Variants in TEAD1 observed in about 807,000 individuals in gnomAD.
TEAD1 encodes TEA domain transcription factor 1, also known as transcriptional enhancer factor TEF-1.
In TEAD1, 9 loss-of-function variants were observed where a neutral mutation model predicts 54.9. The observed-to-expected ratio is 0.16, with a 90% CI of 0.10 to 0.29. The LOEUF (loss-of-function observed/expected upper bound fraction) is 0.29, where lower values mean the gene tolerates loss of function less well. TEAD1 is among the 10% of genes least tolerant of loss of function. The probability of loss-of-function intolerance (pLI) is 1.00; values close to 1 mark genes in which losing one functional copy is unlikely to be tolerated. For synonymous variants in TEAD1, 200 were observed against 187.8 expected (o/e 1.07, Z -0.53); for missense variants, 387 against 535.9 (o/e 0.72, Z 2.74).
intron 2 of TEAD1, among the ~76,000 whole-genome samples, chr11:12,763,954 T>A (rs1189364964): frequency 1.3e-5 from 2 of 152,146 alleles, no homozygotes; most frequent in East Asian, 1.9e-4. Flanking sequence ...ATCTCAAAAT[T>A]CCATATTCTC....
intron 2 of TEAD1, among the ~76,000 whole-genome samples, chr11:12,709,574 G>A (rs1484476975): frequency 1.3e-5 from 2 of 152,070 alleles, no homozygotes; most frequent in African/African-American, 4.8e-5. Context: ...AGGTTGGAGT[G>A]CAATGGTGTG....
chr11:12,839,721 G>A (rs558910716), intron 3 of TEAD1, among the ~76,000 whole-genome samples: 3 of 152,266 alleles, frequency 2.0e-5, no homozygotes, highest in South Asian at 2.1e-4. Flanking sequence ...CTAACTTCGC[G>A]TAATGGAAGG....
intron 3 of TEAD1, among the ~76,000 whole-genome samples, chr11:12,836,755 A>T (rs1014331242): frequency 6.6e-6 from 1 of 152,214 alleles, no homozygotes; most frequent in African/African-American, 2.4e-5. Flanking sequence ...TGTGCTGACT[A>T]TTCCACCAAC....
At chr11:12,884,507 T>A (rs1386862536) in intron 9 of TEAD1, among the ~76,000 whole-genome samples, 1 of 152,162 alleles carries the variant, frequency 6.6e-6, no homozygotes, top group Non-Finnish European at 1.5e-5. Context: ...AGGTGACCTC[T>A]CACGGGAGTG....
Position 12,690,246 on chromosome 11 carries a change from A to T in TEAD1, c.-55+14685A>T, listed in dbSNP as rs543622367. 3.9e-3 allele frequency among the ~76,000 whole-genome samples: 589 copies of T among 150,778 alleles called. 4 individuals are homozygous for T. The highest frequency in any genetic ancestry group is 0.014 in the African/African-American group (560 of 40,552). The stretch of plus-strand genomic sequence containing the variant: ...GACAGAGTGAGACTCCGTCTCAAAA[A>T]AAAAAAAAAAAAAAAAATAATAAGC... On this transcript the variant is annotated intron_variant, in intron 2 of 12. Transcript: ENST00000527636.
intron 2 of TEAD1, among the ~76,000 whole-genome samples, chr11:12,699,307 A>AT (rs1357153274): frequency 9.2e-5 from 14 of 151,548 alleles, no homozygotes; most frequent in South Asian, 6.3e-4. Context: ...TCTTTTAAAG[A>AT]TTTTTTTTTC....
At chr11:12,807,826 A>G (rs1946208969) in intron 3 of TEAD1, among the ~76,000 whole-genome samples, 1 of 152,144 alleles carries the variant, frequency 6.6e-6, no homozygotes, top group East Asian at 1.9e-4. Context: ...CAGTGGCCAG[A>G]CCTGGACAGG....
intron 8 of TEAD1, 67 bp from the exon 9 acceptor site, chr11:12,882,934 C>G: frequency 6.2e-7 from 1 of 1,612,992 alleles, no homozygotes; most frequent in Non-Finnish European, 8.5e-7. Context: ...GAGCCCTGTT[C>G]CAGTATTTGC....
At chr11:12,719,008 G>C (rs1325202399) in intron 2 of TEAD1, among the ~76,000 whole-genome samples, 2 of 151,646 alleles carry the variant, frequency 1.3e-5, no homozygotes, top group Admixed American at 1.3e-4. Context: ...TTTTTTAGGG[G>C]GGGGAGTCCA....
chr11:12,699,041 T>TA (rs1554921695), intron 2 of TEAD1, among the ~76,000 whole-genome samples: 1 of 152,168 alleles, frequency 6.6e-6, no homozygotes, highest in Non-Finnish European at 1.5e-5. Flanking sequence ...TCCTCCAATT[T>TA]AAAAAAATGA....
chr11:12,757,834 C>G (rs562084505), intron 2 of TEAD1, among the ~76,000 whole-genome samples: 27 of 152,236 alleles, frequency 1.8e-4, no homozygotes, highest in Middle Eastern at 6.8e-3. Context: ...GACTGGAGTG[C>G]AGTGGCCTGA....
chr11:12,715,832 A>G (rs1369215527), intron 2 of TEAD1, among the ~76,000 whole-genome samples: 2 of 152,162 alleles, frequency 1.3e-5, no homozygotes, highest in Non-Finnish European at 2.9e-5. Flanking sequence ...CATTTTTCTG[A>G]CATTCACATT....
intron 2 of TEAD1, among the ~76,000 whole-genome samples, chr11:12,680,975 G>A (rs1943208926): frequency 6.6e-6 from 1 of 152,148 alleles, no homozygotes; most frequent in Non-Finnish European, 1.5e-5. Flanking sequence ...CTGTGGCTGG[G>A]GGTGTCTTGG....
intron 8 of TEAD1, 72 bp from the exon 9 acceptor site, chr11:12,882,929 C>T (rs1355803213): frequency 3.7e-6 from 6 of 1,612,442 alleles, no homozygotes; most frequent in Non-Finnish European, 4.2e-6. Flanking sequence ...CTGTAGAGCC[C>T]TGTTCCAGTA....
At chr11:12,838,576 G>A (rs1247306510) in intron 3 of TEAD1, among the ~76,000 whole-genome samples, 2 of 152,130 alleles carry the variant, frequency 1.3e-5, no homozygotes, top group African/African-American at 4.8e-5. Context: ...TAAGTAAAAC[G>A]TTCATGTAAA....
intron 10 of TEAD1, among the ~76,000 whole-genome samples, chr11:12,924,704 G>T (rs1285228679): frequency 6.6e-6 from 1 of 152,136 alleles, no homozygotes; most frequent in Non-Finnish European, 1.5e-5. Context: ...GATACTTGTA[G>T]CATGTCATTT....
chr11:12,772,038 A>G (rs1409686666), intron 3 of TEAD1, among the ~76,000 whole-genome samples: 1 of 152,184 alleles, frequency 6.6e-6, no homozygotes, highest in Non-Finnish European at 1.5e-5. Flanking sequence ...CTGCTGGGCT[A>G]GCTGCAGTCT....
rs539627284 is a variant in TEAD1, at chr11:12,771,534, A to G, written c.202+7100A>G. ...CAGGTTCCACTTCTGGCTCATTGGGAGGATGGTGGTACTGTTAAGCGAGAT... is the reference window on the plus strand; with the variant it reads ...CAGGTTCCACTTCTGGCTCATTGGGGGGATGGTGGTACTGTTAAGCGAGAT... On this transcript the variant is annotated intron_variant, in intron 3 of 12. Coordinates refer to ENST00000527636, the MANE Select transcript of TEAD1 (RefSeq NM_021961.6). 1.5e-3 allele frequency among the ~76,000 whole-genome samples: 222 copies of G among 152,256 alleles called. 1 individual carries two copies. Among genetic ancestry groups the G allele is most frequent in the African/African-American group, 5.1e-3 (211 of 41,548 alleles).
At chr11:12,691,968 C>G in intron 2 of TEAD1, among the ~76,000 whole-genome samples, 1 of 152,152 alleles carries the variant, frequency 6.6e-6, no homozygotes, top group Middle Eastern at 3.4e-3. Flanking sequence ...TATCACTAGT[C>G]TATTATTTTT....
Sources: allele counts gnomAD v4.1 joint callset (sites outside exome capture counted in the v4.1 genomes callset), GRCh38; gene constraint gnomAD v4.1.1; transcripts MANE v1.5; gene names NCBI Gene and HGNC (gene_info 2026-07-23, HGNC 2026-07-21).